Variants in CYP7B1 observed in about 807,000 individuals in gnomAD.
CYP7B1 encodes cytochrome P450 7B1.
CYP7B1 carries 29 observed loss-of-function variants against 42.7 expected under a neutral mutation model. The observed-to-expected ratio is 0.68, with a 90% CI of 0.51 to 0.93. The LOEUF is 0.93. Ranked by LOEUF, CYP7B1 falls within the 40% of genes least tolerant of loss-of-function variation. The probability of loss-of-function intolerance (pLI) is 0.00; values close to 1 mark genes in which losing one functional copy is unlikely to be tolerated. For missense variants in CYP7B1, 655 were observed against 600.5 expected, an observed-to-expected ratio of 1.09 and a Z score of -0.95; for synonymous variants, 235 against 218.2, an observed-to-expected ratio of 1.08 and a Z score of -0.68.
chr8:64,659,564 T>C (rs1479055634), intron 1 of CYP7B1, among the ~76,000 whole-genome samples: 2 of 152,238 alleles, frequency 1.3e-5, no homozygotes, highest in African/African-American at 4.8e-5. Context: ...TATTGATACA[T>C]ACTTAGATGG....
intron 1 of CYP7B1, among the ~76,000 whole-genome samples, chr8:64,729,229 T>G (rs1482330238): frequency 6.6e-6 from 1 of 152,244 alleles, no homozygotes; most frequent in Non-Finnish European, 1.5e-5. Context: ...TCAGATGATC[T>G]TATGATACTT....
intron 1 of CYP7B1, among the ~76,000 whole-genome samples, chr8:64,710,428 A>G (rs1807063851): frequency 6.6e-6 from 1 of 152,152 alleles, no homozygotes; most frequent in South Asian, 2.1e-4. Context: ...AGGCCAAAGG[A>G]TACTTCTCTT....
At chr8:64,798,386 G>A in intron 1 of CYP7B1, 80 bp downstream of exon 1, 2 of 1,421,410 alleles carry the variant, frequency 1.4e-6, no homozygotes, top group South Asian at 1.5e-5. Context: ...ATCATGGAGG[G>A]GGACTCCCCT....
rs766523749 is a variant in CYP7B1 at position 64,615,026 on chromosome 8, C to G, written c.1057G>C (p.Glu353Gln). The G allele has an allele frequency of 6.2e-7, 1 of 1,613,374 alleles. No individual in the cohort carries two copies. The highest frequency in any genetic ancestry group is 2.2e-5 in the East Asian group (1 of 44,862). ...TTCATAACAGATAAAAATAAATTAC[C>G]TAGGCAGATTAGGCTGTCCAATTGT... is the stretch of plus-strand genomic sequence containing the variant. The part of the protein sequence containing the change: ...REQLDSLICL[E>Q]SSIFEALRLS... Residue 353 changes from glutamate (E) to glutamine (Q), a missense_variant and splice_region_variant, in exon 4 of 6, where the codon GAA becomes CAA. Coordinates refer to ENST00000310193, the MANE Select transcript of CYP7B1 (RefSeq NM_004820.5).
At chr8:64,600,382 T>C (rs1348157996) in intron 5 of CYP7B1, among the ~76,000 whole-genome samples, 3 of 152,232 alleles carry the variant, frequency 2.0e-5, no homozygotes, top group Non-Finnish European at 2.9e-5. Flanking sequence ...GCATAAAACA[T>C]GGTCTTGCTG....
At chr8:64,587,783 G>C (rs1044718898), downstream of CYP7B1, 5 of 152,206 alleles carry the variant, frequency 3.3e-5, no homozygotes, top group African/African-American at 1.2e-4. Context: ...CAGTACAGAA[G>C]TACAGATTTG....
intron 1 of CYP7B1, among the ~76,000 whole-genome samples, chr8:64,721,466 C>A (rs1807235241): frequency 6.6e-6 from 1 of 151,956 alleles, no homozygotes; most frequent in Non-Finnish European, 1.5e-5. Context: ...CTGTAAAAAG[C>A]CAAATTAAAA....
chr8:64,640,712 C>T (rs1805839757), intron 1 of CYP7B1, among the ~76,000 whole-genome samples: 1 of 152,102 alleles, frequency 6.6e-6, no homozygotes, highest in South Asian at 2.1e-4. Context: ...AGTCATACAG[C>T]ATCAAATAAG....
intron 1 of CYP7B1, among the ~76,000 whole-genome samples, chr8:64,643,192 T>TATATACATATATACACACAC (rs1563374454): frequency 3.5e-5 from 4 of 115,190 alleles, no homozygotes; most frequent in African/African-American, 1.2e-4. Context: ...CATATATATA[T>TATATACATATATACACACAC]ACACACACAC....
intron 1 of CYP7B1, among the ~76,000 whole-genome samples, chr8:64,753,982 C>G (rs1807769685): frequency 6.6e-6 from 1 of 151,754 alleles, no homozygotes; most frequent in African/African-American, 2.4e-5. Flanking sequence ...TGGTTGGTCC[C>G]ATACACAACC....
intron 1 of CYP7B1, among the ~76,000 whole-genome samples, chr8:64,784,933 G>T (rs1432096741): frequency 6.6e-6 from 1 of 152,112 alleles, no homozygotes; most frequent in Non-Finnish European, 1.5e-5. Context: ...ACTGTTAAAA[G>T]ACTAAAGATA....
At chr8:64,712,645 T>A (rs1268330334) in intron 1 of CYP7B1, among the ~76,000 whole-genome samples, 5 of 151,534 alleles carry the variant, frequency 3.3e-5, no homozygotes, top group Non-Finnish European at 7.4e-5. Flanking sequence ...TTTATATATA[T>A]CATTATATAT....
chr8:64,652,024 G>T (rs1361321121), intron 1 of CYP7B1, among the ~76,000 whole-genome samples: 2 of 152,266 alleles, frequency 1.3e-5, no homozygotes, highest in African/African-American at 4.8e-5. Context: ...GATAGCTATT[G>T]TTGTGAATCA....
chr8:64,599,470 G>A (rs1267741158), intron 5 of CYP7B1, among the ~76,000 whole-genome samples: 3 of 152,226 alleles, frequency 2.0e-5, no homozygotes, highest in Non-Finnish European at 2.9e-5. Context: ...TTACAGGTGT[G>A]AGCCACTGTG....
chr8:64,746,737 A>G (rs1807649169), intron 1 of CYP7B1, among the ~76,000 whole-genome samples: 1 of 152,170 alleles, frequency 6.6e-6, no homozygotes, highest in South Asian at 2.1e-4. Flanking sequence ...ACCATTTAAA[A>G]TTTTGGAAGA....
At chr8:64,729,113 G>C (rs925157667) in intron 1 of CYP7B1, 12 of 152,224 alleles carry the variant, frequency 7.9e-5, no homozygotes, top group African/African-American at 2.9e-4. Flanking sequence ...ACAACTGTGA[G>C]AGTGCCACTG....
intron 1 of CYP7B1, among the ~76,000 whole-genome samples, chr8:64,722,136 G>A (rs1807245349): frequency 6.6e-6 from 1 of 152,228 alleles, no homozygotes; most frequent in African/African-American, 2.4e-5. Context: ...ACATCATGCT[G>A]TAAGTTGCTT....
At chr8:64,717,455 C>T (rs868806391) in intron 1 of CYP7B1, among the ~76,000 whole-genome samples, 3 of 152,134 alleles carry the variant, frequency 2.0e-5, no homozygotes, top group African/African-American at 4.8e-5. Context: ...GTATAATTCC[C>T]CTAAATCATG....
At position 64,591,841 on chromosome 8, in the gene CYP7B1, T is replaced by C. The variant is rs566503131; in HGVS notation, c.*4801A>G. ...TGGTCATTGATATAAAACAATATTT[T>C]GGGTATTAATTATTTATTTCTTTTA... On this transcript the variant is annotated 3_prime_UTR_variant, in exon 6 of 6. Coordinates refer to ENST00000310193, the MANE Select transcript of CYP7B1 (RefSeq NM_004820.5). Among the ~76,000 whole-genome samples, 28 of 152,162 alleles carry C rather than the reference T, an allele frequency of 1.8e-4. No homozygotes were observed. Among genetic ancestry groups the C allele is most frequent in the Non-Finnish European group, 3.8e-4 (26 of 68,040 alleles).
Sources: allele counts gnomAD v4.1 joint callset (sites outside exome capture counted in the v4.1 genomes callset), GRCh38; gene constraint gnomAD v4.1.1; transcripts MANE v1.5; gene names NCBI Gene and HGNC (gene_info 2026-07-23, HGNC 2026-07-21).